The following ADAMTS5 variants were observed in gnomAD, a reference collection of about 807,000 sequenced individuals.
ADAMTS5 encodes the protein A disintegrin and metalloproteinase with thrombospondin motifs 5.
A neutral mutation model predicts 81.4 loss-of-function variants in ADAMTS5; 54 were observed. That is an observed-to-expected ratio of 0.66 (90% confidence interval 0.53 to 0.83). The LOEUF (loss-of-function observed/expected upper bound fraction) is 0.83, where lower values mean the gene tolerates loss of function less well. Ranked by LOEUF, ADAMTS5 falls within the 40% of genes least tolerant of loss-of-function variation. ADAMTS5 has a pLI of 0.00. For missense variants in ADAMTS5, 1,194 were observed against 1,229.9 expected, an observed-to-expected ratio of 0.97 and a Z score of 0.44; for synonymous variants, 532 against 508.8, an observed-to-expected ratio of 1.05 and a Z score of -0.61.
chr21:26,932,280 GT>G (rs959699317), intron 5 of ADAMTS5, 101 bp from the exon 6 acceptor site: 76 of 1,290,504 alleles, frequency 5.9e-5, no homozygotes, highest in Middle Eastern at 2.0e-4. Context: ...ATGCAAACGT[GT>G]TTTTTTTATC....
In ADAMTS5 at chr21:26,918,495, A is replaced by G. The variant is rs576131944; in HGVS notation, c.*5558T>C. On this transcript the variant is annotated 3_prime_UTR_variant, in exon 8 of 8. Transcript: ENST00000284987. ...TATCTGCAAAGTCTATTTACAAAGC[A>G]TATGTATGATTTCCTCTGACTAATA... is the stretch of plus-strand genomic sequence containing the variant. 6.6e-6 allele frequency: 1 copy of G among 152,070 alleles called. No individual in the cohort carries two copies. Among genetic ancestry groups the G allele is most frequent in the African/African-American group, 2.4e-5 (1 of 41,448 alleles). 9.4% of individuals were successfully genotyped at this position (152,070 alleles called of 1,614,324 possible).
At position 26,965,843 on chromosome 21, in the gene ADAMTS5, C is replaced by G. The variant is rs780473566; in HGVS notation, c.549G>C (p.Gly183=). The change falls in exon 1 of 8, where the codon GGG becomes GGC. Residue 183 remains glycine, a synonymous_variant. Coordinates refer to ENST00000284987, the MANE Select transcript of ADAMTS5 (RefSeq NM_007038.5). ...CGTGCAGGATCCGTGCGGACCCATCCCCGTACACGCGCCCCTTTTCTTCCT... is the reference window on the plus strand; with the variant it reads ...CGTGCAGGATCCGTGCGGACCCATCGCCGTACACGCGCCCCTTTTCTTCCT... ...WAEEEKGRVY[G]DGSARILHVY... The G allele has an allele frequency of 3.1e-6, 5 of 1,612,334 alleles. No individual in the cohort carries two copies. The highest frequency in any genetic ancestry group is 2.2e-5 in the South Asian group (2 of 90,726).
At chr21:26,930,180 G>GA (rs34738885) in intron 6 of ADAMTS5, 119 bp from the exon 7 acceptor site, 195,440 of 635,150 alleles carry the variant, frequency 0.31, 11,468 homozygotes, top group South Asian at 0.35. Context: ...ACAGTCCATT[G>GA]AAAAAAAAAA....
intron 2 of ADAMTS5, among the ~76,000 whole-genome samples, chr21:26,953,077 A>T (rs910909958): frequency 1.3e-5 from 2 of 152,188 alleles, no homozygotes; most frequent in African/African-American, 4.8e-5. Flanking sequence ...CATGATCCCT[A>T]CCCTGGAGCC....
chr21:26,964,504 A>G (rs562262704), intron 1 of ADAMTS5, among the ~76,000 whole-genome samples: 9 of 152,298 alleles, frequency 5.9e-5, no homozygotes, highest in Admixed American at 5.9e-4. Flanking sequence ...TCGGAAACAT[A>G]TTCATCCAAA....
intron 1 of ADAMTS5, among the ~76,000 whole-genome samples, chr21:26,963,368 T>C (rs1987566651): frequency 6.6e-6 from 1 of 151,926 alleles, no homozygotes; most frequent in Admixed American, 6.6e-5. Context: ...TCCTGTTTTC[T>C]GGGAAACAAT....
chr21:26,937,093 C>A (rs1191962578), intron 3 of ADAMTS5, among the ~76,000 whole-genome samples: 3 of 152,174 alleles, frequency 2.0e-5, no homozygotes, highest in African/African-American at 7.2e-5. Flanking sequence ...TGGCATGGAT[C>A]TATCTCATTT....
chr21:26,924,661 T>TA (rs757913779), intron 7 of ADAMTS5, 41 bp from the exon 8 acceptor site: 4 of 1,491,060 alleles, frequency 2.7e-6, no homozygotes, highest in South Asian at 1.3e-5. Context: ...GGAAGGTGGT[T>TA]AAAAAAAGGG....
chr21:26,929,114 A>G (rs1986859870), intron 7 of ADAMTS5, among the ~76,000 whole-genome samples: 1 of 152,196 alleles, frequency 6.6e-6, no homozygotes, highest in African/African-American at 2.4e-5. Context: ...AATTATTTTA[A>G]TAAATCCTAT....
chr21:26,959,913 C>T (rs1394340110), intron 1 of ADAMTS5, among the ~76,000 whole-genome samples: 1 of 152,108 alleles, frequency 6.6e-6, no homozygotes, highest in Non-Finnish European at 1.5e-5. Flanking sequence ...AGTCAGTCAC[C>T]TTCTTAGAGC....
At chr21:26,929,001 A>C (rs1418325135) in intron 7 of ADAMTS5, among the ~76,000 whole-genome samples, 1 of 152,204 alleles carries the variant, frequency 6.6e-6, no homozygotes, top group East Asian at 1.9e-4. Flanking sequence ...TTTCATTAGC[A>C]AATAGAATTA....
At chr21:26,938,292 T>C (rs1987052330) in intron 3 of ADAMTS5, among the ~76,000 whole-genome samples, 4 of 152,048 alleles carry the variant, frequency 2.6e-5, no homozygotes, top group African/African-American at 9.7e-5. Flanking sequence ...GTGTGCATAT[T>C]GCATACATGT....
At chr21:26,964,495 C>T (rs1337598064) in intron 1 of ADAMTS5, among the ~76,000 whole-genome samples, 1 of 152,180 alleles carries the variant, frequency 6.6e-6, no homozygotes. Flanking sequence ...ACTGGGGCTT[C>T]GGAAACATAT....
chr21:26,965,717 G>A lies in ADAMTS5; in HGVS notation c.675C>T (p.His225=). The A allele has an allele frequency of 1.3e-6, 2 of 1,587,178 alleles. No individual in the cohort carries two copies. The highest frequency in any genetic ancestry group is 1.7e-4 in the Middle Eastern group (1 of 6,022). ...TPEAHEHAPA[H]SNPSGRAALA... ...GTGCTGCGCGTCCGCTCGGGTTGCT[G>A]TGCGCCGGAGCATGCTCGTGGGCCT... The change falls in exon 1 of 8, where the codon CAC becomes CAT. Residue 225 remains histidine, a synonymous_variant. Coordinates refer to ENST00000284987, the MANE Select transcript of ADAMTS5 (RefSeq NM_007038.5).
In ADAMTS5 at chr21:26,966,402, C is replaced by T. The variant is rs1057202298; in HGVS notation, c.-11G>A. 6 of 1,429,816 alleles carry T rather than the reference C, an allele frequency of 4.2e-6. No individual in the cohort carries two copies. The highest frequency in any genetic ancestry group is 5.4e-6 in the Non-Finnish European group (6 of 1,104,588). 88.6% of individuals were successfully genotyped at this position (1,429,816 alleles called of 1,614,324 possible). A position where few individuals can be genotyped will look rare whatever the true frequency, so the allele number is the denominator to read the frequency against. ...CCACCCGAGCAGCATAGTGCGCTGC[C>T]CGCGGGGAGGGGCTGCGCGACTGGG... On this transcript the variant is annotated 5_prime_UTR_variant, in exon 1 of 8. Coordinates refer to ENST00000284987, the MANE Select transcript of ADAMTS5 (RefSeq NM_007038.5).
In ADAMTS5 at chr21:26,922,753, A is replaced by G. The variant is rs1779494346; in HGVS notation, c.*1300T>C. On this transcript the variant is annotated 3_prime_UTR_variant, in exon 8 of 8. Coordinates refer to ENST00000284987, the MANE Select transcript of ADAMTS5 (RefSeq NM_007038.5). ...TCATCACTCAAACACTTACGGGTAC[A>G]ATCAAGTGCTTTCCAGTTGGGAAAA... 6.6e-6 allele frequency: 1 copy of G among 152,586 alleles called. No individual in the cohort carries two copies. The highest frequency in any genetic ancestry group is 2.4e-5 in the African/African-American group (1 of 41,460). The allele number at this position is 152,586 out of a possible 1,614,324, so 9.5% of individuals were successfully genotyped here.
intron 3 of ADAMTS5, among the ~76,000 whole-genome samples, chr21:26,942,263 T>C (rs1481907140): frequency 6.6e-6 from 1 of 152,144 alleles, no homozygotes; most frequent in Non-Finnish European, 1.5e-5. Flanking sequence ...TCTGGTATTA[T>C]GTAGCCACAG....
Position 26,934,329 on chromosome 21 carries a change from A to T in ADAMTS5, c.1689+137T>A. 4 of 1,135,254 alleles carry T rather than the reference A, an allele frequency of 3.5e-6. No homozygotes were observed. In the South Asian group the frequency reaches 6.6e-5, roughly 19 times the overall value. 70.3% of individuals were successfully genotyped at this position (1,135,254 alleles called of 1,614,324 possible). A position where few individuals can be genotyped will look rare whatever the true frequency, so the allele number is the denominator to read the frequency against. On this transcript the variant is annotated intron_variant, in intron 4 of 7. Transcript: ENST00000284987. Reference sequence around the variant, plus strand: ...GAATGGCTACTGCGGGTAAAAGAAGAAGCTCTAAATAAACCTCAAAATGAA... The same window carrying T: ...GAATGGCTACTGCGGGTAAAAGAAGTAGCTCTAAATAAACCTCAAAATGAA...
intron 6 of ADAMTS5, among the ~76,000 whole-genome samples, chr21:26,930,764 C>A (rs162500): frequency 0.044 from 6,727 of 151,854 alleles, 439 homozygotes; most frequent in African/African-American, 0.15. Flanking sequence ...TATAAATAAG[C>A]CTGTAAATTT....
Sources: gnomAD v4.1 joint callset for allele counts (sites outside exome capture counted in the v4.1 genomes callset) on GRCh38, gnomAD v4.1.1 for gene constraint, MANE v1.5 for transcripts, NCBI Gene and HGNC (gene_info 2026-07-23, HGNC 2026-07-21) for gene names.